The following LRRC4C variants were observed in gnomAD, a reference collection of about 807,000 sequenced individuals.
The protein encoded by LRRC4C is leucine-rich repeat-containing protein 4C.
A neutral mutation model predicts 33.6 loss-of-function variants in LRRC4C; 5 were observed. The observed-to-expected ratio is 0.15, with a 90% CI of 0.08 to 0.31. The LOEUF (loss-of-function observed/expected upper bound fraction) is 0.31. Ranked by LOEUF, LRRC4C falls within the 10% of genes least tolerant of loss-of-function variation. LRRC4C has a pLI of 1.00. For synonymous variants in LRRC4C, 329 were observed against 302.0 expected (o/e 1.09, Z -0.93); for missense variants, 560 against 796.7 (o/e 0.70, Z 3.58).
At chr11:40,279,546 A>G (rs1565222662) in intron 4 of LRRC4C, among the ~76,000 whole-genome samples, 1 of 152,208 alleles carries the variant, frequency 6.6e-6, no homozygotes, top group Non-Finnish European at 1.5e-5. Context: ...TCTTTTTACA[A>G]ATAATAGCTT....
rs1195737557 is a variant in LRRC4C, at chr11:40,240,337, T to C, written c.-96+1182A>G. 2.0e-5 allele frequency among the ~76,000 whole-genome samples: 3 copies of C among 152,194 alleles called. No homozygotes were observed. The East Asian group carries it at 5.8e-4, about 29-fold the overall frequency. Reference sequence around the variant, plus strand: ...TGTATAACTTGTTACATGTCACTTATGTAAATAAATATCTGAGAACCTCCA... The same window carrying C: ...TGTATAACTTGTTACATGTCACTTACGTAAATAAATATCTGAGAACCTCCA... On this transcript the variant is annotated intron_variant, in intron 5 of 6. Coordinates refer to ENST00000528697, the MANE Select transcript of LRRC4C (RefSeq NM_001258419.2).
chr11:41,343,918 A>T (rs532901913), intron 1 of LRRC4C, among the ~76,000 whole-genome samples: 1 of 152,320 alleles, frequency 6.6e-6, no homozygotes, highest in African/African-American at 2.4e-5. Context: ...TTTGAATCTT[A>T]TTAAAACAAA....
At chr11:40,239,224 T>C (rs971006793) in intron 5 of LRRC4C, among the ~76,000 whole-genome samples, 3 of 152,166 alleles carry the variant, frequency 2.0e-5, no homozygotes, top group African/African-American at 4.8e-5. Context: ...AAGCATATTT[T>C]CCCCCAAATC....
chr11:41,315,859 G>A (rs750822790), intron 1 of LRRC4C, among the ~76,000 whole-genome samples: 6 of 152,180 alleles, frequency 3.9e-5, no homozygotes, highest in Non-Finnish European at 8.8e-5. Context: ...CACACAGTGA[G>A]AGCTCAATAA....
chr11:40,209,248 C>T (rs1863399475), intron 5 of LRRC4C, among the ~76,000 whole-genome samples: 1 of 152,032 alleles, frequency 6.6e-6, no homozygotes, highest in South Asian at 2.1e-4. Flanking sequence ...TTCTACTGTC[C>T]ATCATAAAAT....
rs564842232 is a variant in LRRC4C at position 40,764,001 on chromosome 11, T to A, written c.-406-115723A>T. Among the ~76,000 whole-genome samples the A allele has an allele frequency of 2.6e-5, 4 of 152,262 alleles. No individual in the cohort carries two copies. The South Asian group carries it at 8.3e-4, about 32-fold the overall frequency. ...TGGGGTAGGAAAGGGAATGTTTGTGTCACCCATCTTCCAACCCCAGGTATT... is the reference window on the plus strand; with the variant it reads ...TGGGGTAGGAAAGGGAATGTTTGTGACACCCATCTTCCAACCCCAGGTATT... On this transcript the variant is annotated intron_variant, in intron 2 of 6. Coordinates refer to ENST00000528697, the MANE Select transcript of LRRC4C (RefSeq NM_001258419.2).
chr11:41,447,613 G>A (rs547766826), intron 1 of LRRC4C, among the ~76,000 whole-genome samples: 42 of 152,212 alleles, frequency 2.8e-4, no homozygotes, highest in South Asian at 1.4e-3. Flanking sequence ...TAAAAGTACC[G>A]TAACTGACAA....
At chr11:40,651,305 T>G (rs1275668064) in intron 2 of LRRC4C, among the ~76,000 whole-genome samples, 1 of 151,572 alleles carries the variant, frequency 6.6e-6, no homozygotes, top group African/African-American at 2.4e-5. Context: ...TGATCCTTCC[T>G]GGTACATAGT....
chr11:41,417,496 T>G (rs983720259), intron 1 of LRRC4C, among the ~76,000 whole-genome samples: 2 of 152,028 alleles, frequency 1.3e-5, no homozygotes, highest in African/African-American at 4.8e-5. Flanking sequence ...AAAAGCAAGT[T>G]TCTTACTAAA....
chr11:40,930,401 T>A (rs536542495), intron 2 of LRRC4C, among the ~76,000 whole-genome samples: 1 of 152,190 alleles, frequency 6.6e-6, no homozygotes, highest in East Asian at 1.9e-4. Context: ...GAGGACAGCA[T>A]GAAAAGGCAA....
At chr11:40,702,734 G>A (rs1017993450) in intron 2 of LRRC4C, among the ~76,000 whole-genome samples, 5 of 151,524 alleles carry the variant, frequency 3.3e-5, no homozygotes, top group African/African-American at 1.2e-4. Flanking sequence ...CCATCAACCT[G>A]CATCTCCATC....
At chr11:40,812,312 C>G (rs974309200) in intron 2 of LRRC4C, among the ~76,000 whole-genome samples, 4 of 152,120 alleles carry the variant, frequency 2.6e-5, no homozygotes, top group Admixed American at 2.6e-4. Flanking sequence ...AGGCCTCTGA[C>G]TGATACACAG....
At chr11:40,831,108 G>C (rs905243935) in intron 2 of LRRC4C, among the ~76,000 whole-genome samples, 1 of 152,084 alleles carries the variant, frequency 6.6e-6, no homozygotes, top group African/African-American at 2.4e-5. Context: ...AAGCAAAAGA[G>C]GGGCATAATT....
chr11:40,433,225 A>G (rs1951005546), intron 3 of LRRC4C, among the ~76,000 whole-genome samples: 1 of 152,172 alleles, frequency 6.6e-6, no homozygotes, highest in African/African-American at 2.4e-5. Context: ...TGGATTGTGG[A>G]TACAATCTCT....
chr11:41,269,608 G>A (rs1032658300), intron 1 of LRRC4C, among the ~76,000 whole-genome samples: 3 of 152,036 alleles, frequency 2.0e-5, no homozygotes, highest in East Asian at 1.9e-4. Flanking sequence ...AAGATGACAC[G>A]GTCGATTGTC....
intron 2 of LRRC4C, among the ~76,000 whole-genome samples, chr11:40,701,940 T>C (rs1945880187): frequency 6.6e-6 from 1 of 151,958 alleles, no homozygotes; most frequent in Admixed American, 6.6e-5. Context: ...GTGAATTTCT[T>C]AAAGGATGTT....
chr11:41,144,875 G>A (rs1485252202), intron 1 of LRRC4C, among the ~76,000 whole-genome samples: 1 of 152,040 alleles, frequency 6.6e-6, no homozygotes, highest in African/African-American at 2.4e-5. Flanking sequence ...CACATATTAA[G>A]TTTTCCTAAT....
intron 3 of LRRC4C, among the ~76,000 whole-genome samples, chr11:40,502,536 C>T (rs920041026): frequency 2.0e-5 from 3 of 152,088 alleles, no homozygotes; most frequent in Admixed American, 1.3e-4. Context: ...AAAGTGGAAA[C>T]CCCTTATAAA....
chr11:41,185,265 A>G (rs1290290396), intron 1 of LRRC4C, among the ~76,000 whole-genome samples: 1 of 152,206 alleles, frequency 6.6e-6, no homozygotes, highest in African/African-American at 2.4e-5. Context: ...CCCAAAAGGG[A>G]TAAAATATAC....
Sources: gnomAD v4.1 joint callset for allele counts (sites outside exome capture counted in the v4.1 genomes callset) on GRCh38, gnomAD v4.1.1 for gene constraint, MANE v1.5 for transcripts, NCBI Gene and HGNC (gene_info 2026-07-23, HGNC 2026-07-21) for gene names.